SLFN12L: variants seen among roughly 807,000 people sequenced by gnomAD.
The protein encoded by SLFN12L is schlafen family member 12-like.
Under a neutral mutation model 34.8 loss-of-function variants are expected in SLFN12L, and 34 were observed. The ratio of observed to expected loss-of-function variants is 0.98; its 90% CI spans 0.74 to 1.30. The LOEUF (loss-of-function observed/expected upper bound fraction) is 1.30. Among genes scored for constraint, SLFN12L ranks in the 50% most tolerant of loss-of-function variants. The probability of loss-of-function intolerance (pLI) is 0.00; values close to 1 mark genes in which losing one functional copy is unlikely to be tolerated. For missense variants in SLFN12L, 703 were observed against 696.2 expected, an observed-to-expected ratio of 1.01 and a Z score of -0.11; for synonymous variants, 259 against 247.5, an observed-to-expected ratio of 1.05 and a Z score of -0.44.
rs1244028886 is a variant in SLFN12L at position 35,464,662 on chromosome 17, T to C, written c.*10261A>G. ...TATGTACCACATTTTCTTTATCTAATCTGTCATTGATGAGCATTTAGGTTA... is the reference window on the plus strand; with the variant it reads ...TATGTACCACATTTTCTTTATCTAACCTGTCATTGATGAGCATTTAGGTTA... On this transcript the variant is annotated 3_prime_UTR_variant, in exon 5 of 5. Transcript: ENST00000628453. 6.6e-6 allele frequency: 1 copy of C among 152,162 alleles called. No homozygotes were observed. Among genetic ancestry groups the C allele is most frequent in the Non-Finnish European group, 1.5e-5 (1 of 68,030 alleles). 9.4% of individuals were successfully genotyped at this position (152,162 alleles called of 1,614,324 possible).
At chr17:35,479,040 C>T in intron 3 of SLFN12L, 77 bp downstream of exon 3, 1 of 1,111,546 alleles carries the variant, frequency 9.0e-7, no homozygotes, top group Non-Finnish European at 1.3e-6. Context: ...AATCTTGTCC[C>T]TAATCCCAAA....
At chr17:35,515,982 T>C (rs1293639033) in intron 2 of SLFN12L, among the ~76,000 whole-genome samples, 2 of 152,024 alleles carry the variant, frequency 1.3e-5, no homozygotes, top group East Asian at 3.9e-4. Context: ...GAATTGGATG[T>C]TTTGGGCTTA....
Position 35,465,207 on chromosome 17 carries a change from A to T in SLFN12L, c.*9716T>A, listed in dbSNP as rs970498353. ...AACTGAAAGCTCTAAATTAACTTTA[A>T]CATTTGCCAAAATGCACCAATTGAG... On this transcript the variant is annotated 3_prime_UTR_variant, in exon 5 of 5. Transcript: ENST00000628453. Among the ~76,000 whole-genome samples, 3 of 152,296 alleles carry T rather than the reference A, an allele frequency of 2.0e-5. No homozygotes were observed. The highest frequency in any genetic ancestry group is 7.2e-5 in the African/African-American group (3 of 41,584).
intron 2 of SLFN12L, among the ~76,000 whole-genome samples, chr17:35,495,176 A>C (rs1018049633): frequency 9.9e-5 from 15 of 152,184 alleles, no homozygotes; most frequent in Admixed American, 9.8e-4. Flanking sequence ...ATGGGATTAT[A>C]GGCATGAGCC....
Position 35,522,298 on chromosome 17 carries a change from A to G in SLFN12L, c.67T>C (p.Phe23Leu), listed in dbSNP as rs767036158. 6.2e-7 allele frequency: 1 copy of G among 1,614,178 alleles called. No homozygotes were observed. The highest frequency in any genetic ancestry group is 8.5e-7 in the Non-Finnish European group (1 of 1,180,012). The change falls in exon 2 of 5, where the codon TTT becomes CTT. Residue 23 changes from phenylalanine (F) to leucine (L), a missense_variant. By Grantham distance (22) the Phe-to-Leu change is conservative (BLOSUM62 0). Coordinates refer to ENST00000628453, the MANE Select transcript of SLFN12L (RefSeq NM_001363830.2). The part of the protein sequence containing the change: ...HRILYICESQ[F>L]LRNFIRKEFL... ...GCTTACCTGATGAAATTCCTCAGAA[A>G]CTGACTTTCACAAATGTAGAGAATT...
chr17:35,534,854 G>T (rs2072443659), intron 1 of SLFN12L, among the ~76,000 whole-genome samples: 1 of 152,170 alleles, frequency 6.6e-6, no homozygotes, highest in African/African-American at 2.4e-5. Flanking sequence ...GCCAAAAGCA[G>T]AAATCTCTAT....
At chr17:35,521,733 G>C (rs76780715) in intron 2 of SLFN12L, among the ~76,000 whole-genome samples, 1,779 of 152,256 alleles carry the variant, frequency 0.012, 42 homozygotes, top group African/African-American at 0.04. Flanking sequence ...AAATTATCCA[G>C]GCATGATGGC....
In SLFN12L at chr17:35,474,687, C is replaced by CGG. The variant is rs758831720; in HGVS notation, c.*234_*235dup. The CGG allele has an allele frequency of 9.4e-3, 2,537 of 269,114 alleles. 9 individuals carry two copies. Among genetic ancestry groups the CGG allele is most frequent in the South Asian group, 0.014 (393 of 27,404 alleles). The allele number at this position is 269,114 out of a possible 1,614,324, so 16.7% of individuals were successfully genotyped here. A position where few individuals can be genotyped will look rare whatever the true frequency, so the allele number is the denominator to read the frequency against. Reference sequence around the variant, plus strand: ...CTGTACTCCTAGCACTTTGGGAGACCGGGGGGGGGGGTTGAATCACGAGGT... The same window carrying CGG: ...CTGTACTCCTAGCACTTTGGGAGACCGGGGGGGGGGGGGTTGAATCACGAGGT... On this transcript the variant is annotated 3_prime_UTR_variant, in exon 5 of 5. Coordinates refer to ENST00000628453, the MANE Select transcript of SLFN12L (RefSeq NM_001363830.2).
intron 1 of SLFN12L, among the ~76,000 whole-genome samples, chr17:35,527,322 A>G (rs2072346173): frequency 6.6e-6 from 1 of 152,186 alleles, no homozygotes; most frequent in Admixed American, 6.5e-5. Context: ...GTTATTCTAA[A>G]CAATAGAAAA....
At chr17:35,534,028 T>C (rs944183645) in intron 1 of SLFN12L, among the ~76,000 whole-genome samples, 4 of 151,824 alleles carry the variant, frequency 2.6e-5, no homozygotes, top group South Asian at 2.1e-4. Context: ...GTCAAAATCA[T>C]GCCACTGCAC....
chr17:35,515,110 T>C, intron 2 of SLFN12L: 1 of 629,500 alleles, frequency 1.6e-6, no homozygotes, highest in Non-Finnish European at 3.1e-6. Context: ...CTTCAGTCTT[T>C]TGCGGTCGAA....
chr17:35,530,537 GAAAAGAAA>G lies in SLFN12L; in HGVS notation c.-606+7028_-606+7035del, dbSNP rs199656614. 5.5e-3 allele frequency among the ~76,000 whole-genome samples: 202 copies of G among 36,712 alleles called. 14 individuals carry two copies. The East Asian group carries it at 0.11, about 20-fold the overall frequency. The allele number at this position is 36,712 out of a possible 152,430, so 24.1% of individuals were successfully genotyped here. A position where few individuals can be genotyped will look rare whatever the true frequency, so the allele number is the denominator to read the frequency against. On this transcript the variant is annotated intron_variant, in intron 1 of 4. Transcript: ENST00000628453. ...GAAAAGAAAAGAAAAGAAAAGAAAA[GAAAAGAAA>G]GAAAGAAAGAAAGAGAAAGGGAGAG... is the stretch of plus-strand genomic sequence containing the variant.
intron 2 of SLFN12L, among the ~76,000 whole-genome samples, chr17:35,518,530 G>C (rs71381459): frequency 0.048 from 6,770 of 141,388 alleles, 229 homozygotes; most frequent in South Asian, 0.13. Flanking sequence ...CAGCCTGGGA[G>C]ACAGAGTGAG....
chr17:35,492,215 T>C (rs563666141), intron 2 of SLFN12L, among the ~76,000 whole-genome samples: 2 of 152,288 alleles, frequency 1.3e-5, no homozygotes, highest in South Asian at 4.1e-4. Flanking sequence ...TTTATCAGCT[T>C]CTGCAAGGAG....
rs974317869 is a variant in SLFN12L, at chr17:35,471,531, C to T, written c.*3392G>A. On this transcript the variant is annotated 3_prime_UTR_variant, in exon 5 of 5. Transcript: ENST00000628453. ...CAAATGGTATTTCTGGTTCTAGATC[C>T]TTGAGGAATCGCCACACTGTCTTCC... Among the ~76,000 whole-genome samples, 1 of 152,176 alleles carries T rather than the reference C, an allele frequency of 6.6e-6. No individual in the cohort carries two copies. The highest frequency in any genetic ancestry group is 2.4e-5 in the African/African-American group (1 of 41,432).
At chr17:35,490,108 G>A in intron 2 of SLFN12L, 2 of 1,606,230 alleles carry the variant, frequency 1.2e-6, no homozygotes, top group Admixed American at 1.7e-5. Context: ...CCCCAGGCGC[G>A]GAGCAGACCG....
At chr17:35,509,742 G>C (rs1277825727) in intron 2 of SLFN12L, among the ~76,000 whole-genome samples, 1 of 151,466 alleles carries the variant, frequency 6.6e-6, no homozygotes, top group Non-Finnish European at 1.5e-5. Flanking sequence ...GTGTCCCCCA[G>C]GTTGGAGTGC....
intron 2 of SLFN12L, among the ~76,000 whole-genome samples, chr17:35,481,699 C>T (rs893037973): frequency 6.6e-6 from 1 of 152,128 alleles, no homozygotes; most frequent in African/African-American, 2.4e-5. Flanking sequence ...GTGGTAGTGG[C>T]CCCCCAGCCC....
intron 1 of SLFN12L, among the ~76,000 whole-genome samples, chr17:35,530,062 C>T (rs990402787): frequency 6.7e-6 from 1 of 150,276 alleles, no homozygotes; most frequent in African/African-American, 2.4e-5. Context: ...ACCTCATAAA[C>T]GTCATCTGTC....
Sources: allele counts gnomAD v4.1 joint callset (sites outside exome capture counted in the v4.1 genomes callset), GRCh38; gene constraint gnomAD v4.1.1; transcripts MANE v1.5; gene names NCBI Gene and HGNC (gene_info 2026-07-23, HGNC 2026-07-21).